The following MCM9 variants were observed in gnomAD, a reference collection of about 807,000 sequenced individuals.
MCM9 encodes minichromosome maintenance 9 homologous recombination repair factor, also known as DNA helicase MCM9.
In MCM9, 55 loss-of-function variants were observed where a neutral mutation model predicts 72.8. That is an observed-to-expected ratio of 0.76 (90% CI 0.61 to 0.95). The LOEUF (loss-of-function observed/expected upper bound fraction) is 0.95, where lower values mean the gene tolerates loss of function less well. MCM9 is among the 40% of genes least tolerant of loss of function. The pLI is 0.00. For missense variants in MCM9, 1,279 were observed against 1,377.0 expected (o/e 0.93, Z 1.13); for synonymous variants, 480 against 503.4 (o/e 0.95, Z 0.62).
At chr6:118,880,870 T>C (rs1395844393) in intron 8 of MCM9, among the ~76,000 whole-genome samples, 1 of 152,228 alleles carries the variant, frequency 6.6e-6, no homozygotes, top group East Asian at 1.9e-4. Flanking sequence ...TAGTCTCTCC[T>C]TATCCACAGG....
intron 13 of MCM9, among the ~76,000 whole-genome samples, chr6:118,819,413 GGA>G (rs759632600): frequency 1.4e-4 from 22 of 152,268 alleles, no homozygotes; most frequent in Non-Finnish European, 2.8e-4. Flanking sequence ...TTTATGTGAT[GGA>G]TTACGTTTGT....
chr6:118,816,458 C>A (rs1773413528), intron 13 of MCM9, among the ~76,000 whole-genome samples, 164 bp from the exon 14 acceptor site: 1 of 152,008 alleles, frequency 6.6e-6, no homozygotes. Flanking sequence ...TGAAATAATC[C>A]TTTTTTAAAT....
At chr6:118,851,786 T>G (rs1409024682) in intron 9 of MCM9, among the ~76,000 whole-genome samples, 1 of 149,200 alleles carries the variant, frequency 6.7e-6, no homozygotes, top group Non-Finnish European at 1.5e-5. Flanking sequence ...GAAAGAACCT[T>G]ATCTTGAAAC....
In MCM9 at chr6:118,819,338, G is replaced by C. The variant is rs147054410; in HGVS notation, c.1962-3044C>G. On this transcript the variant is annotated intron_variant, in intron 13 of 13. Coordinates refer to ENST00000619706, the MANE Select transcript of MCM9 (RefSeq NM_017696.3). ...AGAGTTTTTAGCACGAAGGGGTGTT[G>C]AATTTTATTGAAGGCATTTTCTGCA... 3.8e-3 allele frequency among the ~76,000 whole-genome samples: 583 copies of C among 152,274 alleles called. 6 individuals carry two copies. Among genetic ancestry groups the C allele is most frequent in the African/African-American group, 0.013 (556 of 41,550 alleles).
At chr6:118,833,796 GT>G (rs954760326) in intron 9 of MCM9, among the ~76,000 whole-genome samples, 17 of 152,194 alleles carry the variant, frequency 1.1e-4, no homozygotes, top group African/African-American at 4.1e-4. Flanking sequence ...GGAAATGGGA[GT>G]TTTTTTAAAC....
Position 118,900,971 on chromosome 6 carries a change from T to C in MCM9, c.1150+10679A>G. 4 of 954,410 alleles carry C rather than the reference T, an allele frequency of 4.2e-6. No homozygotes were observed. The South Asian group carries it at 4.4e-5, about 10-fold the overall frequency. The allele number at this position is 954,410 out of a possible 1,614,324, so 59.1% of individuals were successfully genotyped here. A position where few individuals can be genotyped will look rare whatever the true frequency, so the allele number is the denominator to read the frequency against. Reference sequence around the variant, plus strand: ...TCTTATAACCCTTATCCCTTTCCTTTTGGGTTAAAGAACTGCTTCTGCTGC... The same window carrying C: ...TCTTATAACCCTTATCCCTTTCCTTCTGGGTTAAAGAACTGCTTCTGCTGC... On this transcript the variant is annotated intron_variant, in intron 8 of 13. Coordinates refer to ENST00000619706, the MANE Select transcript of MCM9 (RefSeq NM_017696.3).
chr6:118,839,371 T>C (rs568880093), intron 9 of MCM9, among the ~76,000 whole-genome samples: 1 of 152,126 alleles, frequency 6.6e-6, no homozygotes, highest in Non-Finnish European at 1.5e-5. Flanking sequence ...GGTTAGAACA[T>C]GCTCCTTTAG....
chr6:118,872,996 C>T (rs1048652174), intron 8 of MCM9, among the ~76,000 whole-genome samples: 10 of 151,546 alleles, frequency 6.6e-5, no homozygotes, highest in Admixed American at 4.6e-4. Context: ...AAGTGAGACA[C>T]CATCTCTACC....
chr6:118,860,410 G>A (rs1776826814), intron 8 of MCM9, among the ~76,000 whole-genome samples: 1 of 152,000 alleles, frequency 6.6e-6, no homozygotes, highest in South Asian at 2.1e-4. Context: ...TTGAAAATAC[G>A]TCAATTAAAA....
intron 8 of MCM9, chr6:118,905,921 T>C: frequency 1.0e-6 from 1 of 957,354 alleles, no homozygotes; most frequent in South Asian, 1.9e-5. Flanking sequence ...TTAAAATGGC[T>C]TTGAGATAAA....
chr6:118,893,932 G>GCCACGCCTCCCCGCCGCAT, intron 8 of MCM9: 1 of 838,560 alleles, frequency 1.2e-6, no homozygotes. Flanking sequence ...TCCCGCCGCA[G>GCCACGCCTCCCCGCCGCAT]CCACGCCTCC....
rs1369735738 is a variant in MCM9 at position 118,826,199 on chromosome 6, C to T, written c.1909G>A (p.Glu637Lys). Residue 637 changes from glutamate to lysine, a missense_variant, in exon 13 of 14, where the codon GAA (glutamate) becomes AAA (lysine). Transcript: ENST00000619706. ...AAGAGGCTCTGCAGCTCTAGCTTTT[C>T]CAGAATAAGTTCACACTGTCTCTGG... is the stretch of plus-strand genomic sequence containing the variant. ...QYQRQCELIL[E>K]KLELQSLLSE... 13 of 1,550,456 alleles carry T rather than the reference C, an allele frequency of 8.4e-6. No individual in the cohort carries two copies. The highest frequency in any genetic ancestry group is 1.1e-5 in the Non-Finnish European group (13 of 1,146,930).
At chr6:118,893,983 G>T in intron 8 of MCM9, 1 of 963,796 alleles carries the variant, frequency 1.0e-6, no homozygotes, top group Non-Finnish European at 1.2e-6. Flanking sequence ...CCGCGCCGCC[G>T]CCGGCGGCCT....
chr6:118,825,798 A>T (rs966211239), intron 13 of MCM9, among the ~76,000 whole-genome samples: 9 of 152,152 alleles, frequency 5.9e-5, no homozygotes, highest in Non-Finnish European at 1.3e-4. Context: ...TAGAAAGGTA[A>T]GTTTTGAAAT....
chr6:118,927,024 GA>G (rs1269003819), intron 3 of MCM9, among the ~76,000 whole-genome samples: 2 of 152,112 alleles, frequency 1.3e-5, no homozygotes, highest in Non-Finnish European at 2.9e-5. Context: ...AATAGGTAAA[GA>G]AAATTTGCTT....
In MCM9 at chr6:118,820,269, A is replaced by G. The variant is rs186730858; in HGVS notation, c.1962-3975T>C. ...CTCCTGAGGGCGTTTAGTGCTATAA[A>G]TTTCCCTCTGAACACTGCTTTAGCT... is the stretch of plus-strand genomic sequence containing the variant. On this transcript the variant is annotated intron_variant, in intron 13 of 13. Transcript: ENST00000619706. 1.4e-4 allele frequency among the ~76,000 whole-genome samples: 21 copies of G among 152,194 alleles called. No individual in the cohort carries two copies. In the East Asian group the frequency reaches 3.1e-3, roughly 22 times the overall value.
chr6:118,825,267 G>A (rs1348923738), intron 13 of MCM9, among the ~76,000 whole-genome samples: 1 of 152,152 alleles, frequency 6.6e-6, no homozygotes, highest in East Asian at 1.9e-4. Flanking sequence ...AGAAAGAGGG[G>A]CGAATTTTAT....
intron 6 of MCM9, among the ~76,000 whole-genome samples, chr6:118,916,491 C>T (rs150146600): frequency 0.01 from 1,555 of 149,024 alleles, 30 homozygotes; most frequent in African/African-American, 0.036. Flanking sequence ...CAGAGTCTCA[C>T]TCTGTCGCCC....
At chr6:118,893,727 A>G (rs983503453) in intron 8 of MCM9, among the ~76,000 whole-genome samples, 10 of 152,032 alleles carry the variant, frequency 6.6e-5, no homozygotes, top group African/African-American at 2.2e-4. Flanking sequence ...ACTACCCGAT[A>G]CGCAGAAAGC....
Sources: allele counts gnomAD v4.1 joint callset (sites outside exome capture counted in the v4.1 genomes callset), GRCh38; gene constraint gnomAD v4.1.1; transcripts MANE v1.5; gene names NCBI Gene and HGNC (gene_info 2026-07-23, HGNC 2026-07-21).